The following RAB6A variants were observed in gnomAD, a reference collection of about 807,000 sequenced individuals.
RAB6A encodes RAB6A, member RAS oncogene family.
A neutral mutation model predicts 32.3 loss-of-function variants in RAB6A; 8 were observed. The ratio of observed to expected loss-of-function variants is 0.25; its 90% CI spans 0.15 to 0.45. The LOEUF (loss-of-function observed/expected upper bound fraction) is 0.45, where lower values mean the gene tolerates loss of function less well. Ranked by LOEUF, RAB6A falls within the 20% of genes least tolerant of loss-of-function variation. RAB6A has a pLI of 1.00. For missense variants in RAB6A, 104 were observed against 249.4 expected, an observed-to-expected ratio of 0.42 and a Z score of 3.93; for synonymous variants, 73 against 82.1, an observed-to-expected ratio of 0.89 and a Z score of 0.60.
intron 2 of RAB6A, among the ~76,000 whole-genome samples, chr11:73,725,100 T>C (rs139081627): frequency 0.014 from 2,091 of 152,318 alleles, 19 homozygotes; most frequent in Middle Eastern, 0.031. Context: ...TTAGTACAAA[T>C]ACTGTTACAT....
At chr11:73,752,620 T>C (rs1946685523) in intron 1 of RAB6A, among the ~76,000 whole-genome samples, 1 of 152,004 alleles carries the variant, frequency 6.6e-6, no homozygotes, top group Non-Finnish European at 1.5e-5. Flanking sequence ...GAATTCGAGA[T>C]GAGCCTGGGC....
chr11:73,758,532 G>C (rs1723844), intron 1 of RAB6A, among the ~76,000 whole-genome samples: 3 of 151,958 alleles, frequency 2.0e-5, no homozygotes, highest in African/African-American at 7.3e-5. Context: ...AGTAATGGAG[G>C]GGGGAGGGTA....
chr11:73,756,462 T>TATAAAGTGAAAAAAAC (rs1946751696), intron 1 of RAB6A, among the ~76,000 whole-genome samples: 1 of 152,108 alleles, frequency 6.6e-6, no homozygotes, highest in Admixed American at 6.5e-5. Flanking sequence ...GAAAAGGCAA[T>TATAAAGTGAAAAAAAC]ATAAAGTGAA....
intron 5 of RAB6A, among the ~76,000 whole-genome samples, chr11:73,708,903 A>C (rs1021539574): frequency 6.6e-6 from 1 of 152,216 alleles, no homozygotes; most frequent in Non-Finnish European, 1.5e-5. Flanking sequence ...TCTTGCCTAC[A>C]AGAAATTATT....
chr11:73,739,411 A>G (rs1946460291), intron 1 of RAB6A, among the ~76,000 whole-genome samples: 1 of 148,556 alleles, frequency 6.7e-6, no homozygotes, highest in Non-Finnish European at 1.5e-5. Context: ...GGCTCAAGTG[A>G]TCTTCCCGCC....
intron 1 of RAB6A, among the ~76,000 whole-genome samples, chr11:73,754,265 T>C (rs1405624094): frequency 6.6e-6 from 1 of 152,230 alleles, no homozygotes; most frequent in Non-Finnish European, 1.5e-5. Context: ...GGCAACATTA[T>C]AACAGGAGAT....
intron 1 of RAB6A, among the ~76,000 whole-genome samples, chr11:73,734,610 A>C (rs1946365246): frequency 6.6e-6 from 1 of 152,194 alleles, no homozygotes; most frequent in South Asian, 2.1e-4. Flanking sequence ...TCAGATCATC[A>C]GGCATTAGAT....
chr11:73,758,873 A>G (rs1337751591), intron 1 of RAB6A, among the ~76,000 whole-genome samples: 1 of 152,112 alleles, frequency 6.6e-6, no homozygotes, highest in Non-Finnish European at 1.5e-5. Context: ...ACTAGAAGCA[A>G]CTCCATAGGT....
chr11:73,708,802 T>G (rs1009251996), intron 5 of RAB6A, among the ~76,000 whole-genome samples: 3 of 152,182 alleles, frequency 2.0e-5, no homozygotes, highest in Admixed American at 6.5e-5. Flanking sequence ...TACTTGCAAG[T>G]GTGCCCTTAT....
At position 73,745,751 on chromosome 11, in the gene RAB6A, G is replaced by C. The variant is rs528124405; in HGVS notation, c.70+14815C>G. Reference sequence around the variant, plus strand: ...GGAGGCTGAGGCAGGAAAACTGCTCGAACCCGGGAGGCAGAAGTTGCAGTG... The same window carrying C: ...GGAGGCTGAGGCAGGAAAACTGCTCCAACCCGGGAGGCAGAAGTTGCAGTG... On this transcript the variant is annotated intron_variant, in intron 1 of 7. Transcript: ENST00000336083. Among the ~76,000 whole-genome samples the C allele has an allele frequency of 3.3e-5, 5 of 152,138 alleles. No homozygotes were observed. The South Asian group carries it at 1.0e-3, about 32-fold the overall frequency.
chr11:73,738,779 T>C (rs1946442690), intron 1 of RAB6A, among the ~76,000 whole-genome samples: 1 of 151,694 alleles, frequency 6.6e-6, no homozygotes, highest in Non-Finnish European at 1.5e-5. Context: ...ACCCCGTCTC[T>C]ACTAAAAATA....
chr11:73,754,868 A>G (rs1006291570), intron 1 of RAB6A, among the ~76,000 whole-genome samples: 17 of 137,902 alleles, frequency 1.2e-4, no homozygotes, highest in African/African-American at 4.3e-4. Context: ...CATCCTGGGC[A>G]ACAGAGGGAT....
At chr11:73,740,929 C>A (rs1306019212) in intron 1 of RAB6A, among the ~76,000 whole-genome samples, 2 of 151,470 alleles carry the variant, frequency 1.3e-5, no homozygotes, top group Non-Finnish European at 2.9e-5. Flanking sequence ...CCTGTACAGT[C>A]GTATTTAAAA....
At position 73,739,304 on chromosome 11, in the gene RAB6A, T is replaced by TATATATATATATATATATATATAA. The variant is rs375733945; in HGVS notation, c.71-8482_71-8481insTTATATATATATATATATATATAT. ...AAAAAAATATATATATATATATATA[T>TATATATATATATATATATATATAA]AAATACTGGAACACCAAAGATAACT... On this transcript the variant is annotated intron_variant, in intron 1 of 7. Coordinates refer to ENST00000336083, the MANE Select transcript of RAB6A (RefSeq NM_198896.2). Among the ~76,000 whole-genome samples the TATATATATATATATATATATATAA allele has an allele frequency of 2.6e-3, 81 of 31,736 alleles. 1 individual carries two copies. The highest frequency in any genetic ancestry group is 5.6e-3 in the East Asian group (4 of 712). The allele number at this position is 31,736 out of a possible 152,430, so 20.8% of individuals were successfully genotyped here.
At chr11:73,687,684 C>T (rs1451611760) in intron 6 of RAB6A, among the ~76,000 whole-genome samples, 3 of 152,162 alleles carry the variant, frequency 2.0e-5, no homozygotes, top group East Asian at 3.8e-4. Flanking sequence ...GATGAAACCC[C>T]GTTTCTTTTA....
At position 73,708,319 on chromosome 11, in the gene RAB6A, C is replaced by T. The variant is rs146528367; in HGVS notation, c.402-806G>A. Among the ~76,000 whole-genome samples the T allele has an allele frequency of 8.0e-3, 1,219 of 152,230 alleles. 7 individuals carry two copies. The highest frequency in any genetic ancestry group is 0.014 in the Non-Finnish European group (936 of 68,008). On this transcript the variant is annotated intron_variant, in intron 5 of 7. Transcript: ENST00000336083. ...GAGCAGCTGGGATTATAGGCGCCCACCACCACACCTGAATAATTTTTGTAT... is the reference window on the plus strand; with the variant it reads ...GAGCAGCTGGGATTATAGGCGCCCATCACCACACCTGAATAATTTTTGTAT...
chr11:73,684,464 T>C (rs990023252), intron 6 of RAB6A, among the ~76,000 whole-genome samples: 8 of 152,178 alleles, frequency 5.3e-5, no homozygotes, highest in Non-Finnish European at 1.0e-4. Flanking sequence ...CCACCACGTG[T>C]GGCCAGATAT....
intron 6 of RAB6A, among the ~76,000 whole-genome samples, chr11:73,706,669 C>A (rs1008740264): frequency 2.0e-5 from 3 of 152,042 alleles, no homozygotes; most frequent in African/African-American, 4.8e-5. Context: ...TATTTTCCTG[C>A]CCTCCCCCAA....
intron 2 of RAB6A, chr11:73,722,303 GTGTATATA>G (rs1158008315): frequency 1.9e-3 from 27 of 13,926 alleles, no homozygotes; most frequent in African/African-American, 5.5e-3. Context: ...ATATGTGTGT[GTGTATATA>G]TATATATATA....
Sources: allele counts gnomAD v4.1 joint callset (sites outside exome capture counted in the v4.1 genomes callset), GRCh38; gene constraint gnomAD v4.1.1; transcripts MANE v1.5; gene names NCBI Gene and HGNC (gene_info 2026-07-23, HGNC 2026-07-21).